Variants in CCNJL observed in about 807,000 individuals in gnomAD.
CCNJL encodes cyclin J like.
CCNJL carries 33 observed loss-of-function variants against 33.4 expected under a neutral mutation model. That is an observed-to-expected ratio of 0.99 (90% confidence interval 0.75 to 1.32). The LOEUF (loss-of-function observed/expected upper bound fraction) is 1.32, where lower values mean the gene tolerates loss of function less well. Ranked by LOEUF, CCNJL falls within the 40% of genes most tolerant of loss-of-function variation. The pLI, the probability that CCNJL is intolerant of heterozygous loss-of-function variation, is 0.00. For synonymous variants in CCNJL, 227 were observed against 220.9 expected (o/e 1.03, Z -0.24); for missense variants, 512 against 499.7 (o/e 1.02, Z -0.23).
At chr5:160,301,100 C>A (rs1377020012) in intron 2 of CCNJL, among the ~76,000 whole-genome samples, 1 of 152,110 alleles carries the variant, frequency 6.6e-6, no homozygotes, top group African/African-American at 2.4e-5. Flanking sequence ...CACAGCAGTG[C>A]TATATAAAAT....
intron 3 of CCNJL, among the ~76,000 whole-genome samples, chr5:160,262,750 G>A (rs1256749279): frequency 1.3e-5 from 2 of 152,222 alleles, no homozygotes; most frequent in African/African-American, 2.4e-5. Context: ...GCTTGGCCTG[G>A]CCAGCAGTTA....
In CCNJL at chr5:160,318,164, G is replaced by A. The variant is rs559819324; in HGVS notation, n.207-2659C>T. On this transcript the variant is annotated intron_variant and non_coding_transcript_variant, in intron 1 of 7. Transcript: ENST00000377503. Reference sequence around the variant, plus strand: ...CCCCAGTAGCTGGGATTACAGGCACGCACCACCATGCCTGGCTAATTTTTG... The same window carrying A: ...CCCCAGTAGCTGGGATTACAGGCACACACCACCATGCCTGGCTAATTTTTG... Among the ~76,000 whole-genome samples the A allele has an allele frequency of 2.6e-5, 4 of 152,086 alleles. No homozygotes were observed. The East Asian group carries it at 7.7e-4, about 29-fold the overall frequency.
chr5:160,302,324 G>A (rs1461970519), intron 2 of CCNJL, among the ~76,000 whole-genome samples: 1 of 152,062 alleles, frequency 6.6e-6, no homozygotes, highest in Non-Finnish European at 1.5e-5. Flanking sequence ...TGATATACTT[G>A]ATAGTATTTT....
intron 1 of CCNJL, among the ~76,000 whole-genome samples, chr5:160,328,675 G>C (rs1387857286): frequency 6.7e-6 from 1 of 149,920 alleles, no homozygotes. Context: ...TTCAAGACCA[G>C]CCTGACCAAT....
At chr5:160,302,234 T>C (rs1029356670) in intron 2 of CCNJL, among the ~76,000 whole-genome samples, 1 of 151,506 alleles carries the variant, frequency 6.6e-6, no homozygotes, top group African/African-American at 2.4e-5. Context: ...TAAAACATTA[T>C]GCATTGGATT....
chr5:160,292,089 C>A (rs1762605739), intron 2 of CCNJL, among the ~76,000 whole-genome samples: 1 of 152,116 alleles, frequency 6.6e-6, no homozygotes, highest in Non-Finnish European at 1.5e-5. Flanking sequence ...AACAAAAACA[C>A]TAAACTGCTT....
chr5:160,258,838 A>G (rs138748402), intron 4 of CCNJL, among the ~76,000 whole-genome samples: 3,010 of 152,290 alleles, frequency 0.02, 91 homozygotes, highest in African/African-American at 0.067. Flanking sequence ...CTGGGACTAC[A>G]GGCATGCACC....
At chr5:160,330,672 T>TTTC (rs1279697138) in intron 1 of CCNJL, among the ~76,000 whole-genome samples, 1 of 19,350 alleles carries the variant, frequency 5.2e-5, no homozygotes, top group African/African-American at 2.3e-4. Context: ...TTTCTTTTCT[T>TTTC]TTTTTTTTTG....
intron 3 of CCNJL, among the ~76,000 whole-genome samples, chr5:160,271,515 C>G (rs1761833225): frequency 6.6e-6 from 1 of 152,214 alleles, no homozygotes; most frequent in Non-Finnish European, 1.5e-5. Flanking sequence ...AATCCCTCCC[C>G]TGAAACAGCT....
intron 1 of CCNJL, among the ~76,000 whole-genome samples, chr5:160,320,867 T>TTC (rs1383347131): frequency 8.3e-5 from 12 of 144,200 alleles, no homozygotes; most frequent in African/African-American, 2.4e-4. Flanking sequence ...CTTTCTTTCT[T>TTC]TCTCTCTTTC....
At chr5:160,326,418 T>G (rs564082383) in intron 1 of CCNJL, among the ~76,000 whole-genome samples, 4 of 132,778 alleles carry the variant, frequency 3.0e-5, no homozygotes, top group Non-Finnish European at 6.0e-5. Context: ...AAGTTTGCAG[T>G]GAGCAAAGAT....
chr5:160,295,957 A>G (rs1025438232), intron 2 of CCNJL, among the ~76,000 whole-genome samples: 8 of 152,192 alleles, frequency 5.3e-5, no homozygotes, highest in South Asian at 4.1e-4. Flanking sequence ...GCACCTATCT[A>G]TGCTTTACAA....
chr5:160,336,825 C>T (rs762677352), intron 1 of CCNJL, among the ~76,000 whole-genome samples: 22 of 152,086 alleles, frequency 1.4e-4, no homozygotes, highest in Non-Finnish European at 2.6e-4. Context: ...CTTCACTTTC[C>T]GTCACAGGCC....
intron 1 of CCNJL, chr5:160,326,701 CCATGGCCAGGG>C (rs1212211087): frequency 5.5e-6 from 5 of 911,328 alleles, no homozygotes; most frequent in African/African-American, 1.7e-5. Context: ...CCATGGCATA[CCATGGCCAGGG>C]CCAGAAAGTG....
At chr5:160,268,506 A>T (rs776094328) in intron 3 of CCNJL, among the ~76,000 whole-genome samples, 6 of 152,220 alleles carry the variant, frequency 3.9e-5, no homozygotes, top group Non-Finnish European at 7.3e-5. Flanking sequence ...CAGCCCTGTA[A>T]TGACAGTCAC....
chr5:160,258,140 C>T (rs1225910530), intron 4 of CCNJL: 3 of 376,380 alleles, frequency 8.0e-6, no homozygotes, highest in African/African-American at 4.2e-5. Flanking sequence ...GCCACCGCGC[C>T]CAGTCCAATC....
At chr5:160,256,778 C>T (rs962310287) in intron 4 of CCNJL, among the ~76,000 whole-genome samples, 2 of 151,520 alleles carry the variant, frequency 1.3e-5, no homozygotes, top group Non-Finnish European at 2.9e-5. Flanking sequence ...ATTAGCCACG[C>T]GTGGTGGTGG....
chr5:160,324,035 G>T (rs1763506094), intron 1 of CCNJL, among the ~76,000 whole-genome samples: 1 of 152,160 alleles, frequency 6.6e-6, no homozygotes, highest in African/African-American at 2.4e-5. Flanking sequence ...TCTCCAGCTT[G>T]CCAACTACAG....
At chr5:160,279,927 A>G (rs1300379212) in intron 3 of CCNJL, among the ~76,000 whole-genome samples, 2 of 152,236 alleles carry the variant, frequency 1.3e-5, no homozygotes, top group East Asian at 1.9e-4. Flanking sequence ...AATCTCTACC[A>G]AGGCAGACAG....
Sources: gnomAD v4.1 joint callset for allele counts (sites outside exome capture counted in the v4.1 genomes callset) on GRCh38, gnomAD v4.1.1 for gene constraint, MANE v1.5 for transcripts, NCBI Gene and HGNC (gene_info 2026-07-23, HGNC 2026-07-21) for gene names.